The following METTL24 variants were observed in gnomAD, a reference collection of about 807,000 sequenced individuals.
METTL24 encodes methyltransferase like 24.
Under a neutral mutation model 32.7 loss-of-function variants are expected in METTL24, and 29 were observed. The observed-to-expected ratio is 0.89, with a 90% confidence interval of 0.66 to 1.21. The LOEUF is 1.21. METTL24 is among the 50% of genes most tolerant of loss of function. The pLI, the probability that METTL24 is intolerant of heterozygous loss-of-function variation, is 0.00. For synonymous variants in METTL24, 163 were observed against 179.5 expected, an observed-to-expected ratio of 0.91 and a Z score of 0.73; for missense variants, 439 against 468.1, an observed-to-expected ratio of 0.94 and a Z score of 0.57.
rs1405618875 is a variant in METTL24 at position 110,302,640 on chromosome 6, C to T, written c.558-3490G>A. On this transcript the variant is annotated intron_variant, in intron 3 of 4. Transcript: ENST00000338882. ...GTATATATATACACATATACACACA[C>T]ATATGTGTATATATATACACATATA... is the stretch of plus-strand genomic sequence containing the variant. 9.7e-5 allele frequency among the ~76,000 whole-genome samples: 13 copies of T among 134,160 alleles called. 2 individuals carry two copies. The highest frequency in any genetic ancestry group is 3.0e-5 in the Non-Finnish European group (2 of 65,950). 88.0% of individuals were successfully genotyped at this position (134,160 alleles called of 152,430 possible). A position where few individuals can be genotyped will look rare whatever the true frequency, so the allele number is the denominator to read the frequency against.
In METTL24 at chr6:110,246,103, C is replaced by T. The variant is rs145979865; in HGVS notation, c.944G>A (p.Arg315Gln). Residue 315 changes from arginine to glutamine, a missense_variant, in exon 5 of 5, where the codon CGG (arginine) becomes CAG (glutamine). Coordinates refer to ENST00000338882, the MANE Select transcript of METTL24 (RefSeq NM_001123364.3). ...CTCTTTGAGAAGGCTGTACCAGAAC[C>T]GCACAACGCTGCTGTCACTGCCACT... ...EVSGSDSSVV[R>Q]FWYSLLKELE... 4.6e-4 allele frequency: 736 copies of T among 1,614,136 alleles called. 4 individuals carry two copies. In the African/African-American group the frequency reaches 7.8e-3, roughly 17 times the overall value.
At chr6:110,306,100 G>C (rs12662669) in intron 3 of METTL24, among the ~76,000 whole-genome samples, 6 of 147,952 alleles carry the variant, frequency 4.1e-5, no homozygotes, top group African/African-American at 1.5e-4. Flanking sequence ...AGTGGGAGCT[G>C]AACAACAAGA....
intron 3 of METTL24, among the ~76,000 whole-genome samples, chr6:110,304,767 G>C (rs1017456958): frequency 6.6e-6 from 1 of 152,162 alleles, no homozygotes; most frequent in Non-Finnish European, 1.5e-5. Context: ...CCCCAACATA[G>C]CAAGACAGGC....
At chr6:110,314,160 A>G (rs1771774093) in intron 3 of METTL24, among the ~76,000 whole-genome samples, 1 of 152,106 alleles carries the variant, frequency 6.6e-6, no homozygotes, top group Non-Finnish European at 1.5e-5. Context: ...TAGACTCTAG[A>G]GGTGATGAAA....
intron 1 of METTL24, among the ~76,000 whole-genome samples, chr6:110,329,120 T>G (rs1307788054): frequency 2.0e-5 from 3 of 152,234 alleles, no homozygotes; most frequent in Non-Finnish European, 4.4e-5. Flanking sequence ...AATAGATAAC[T>G]GATAGAGTGT....
intron 4 of METTL24, among the ~76,000 whole-genome samples, chr6:110,282,714 C>A (rs1020726232): frequency 6.6e-6 from 1 of 150,942 alleles, no homozygotes; most frequent in Non-Finnish European, 1.5e-5. Context: ...TTATAAGAAA[C>A]CCTCAGGACT....
intron 4 of METTL24, chr6:110,254,146 T>G (rs992691041): frequency 4.1e-5 from 17 of 416,536 alleles, no homozygotes; most frequent in Non-Finnish European, 7.1e-5. Context: ...CTCCTTCTGG[T>G]GGCCATATAG....
chr6:110,334,151 T>C (rs1282914728), intron 1 of METTL24, among the ~76,000 whole-genome samples: 1 of 152,110 alleles, frequency 6.6e-6, no homozygotes, highest in Non-Finnish European at 1.5e-5. Flanking sequence ...AATCTCCATC[T>C]TCCCCACGAG....
intron 4 of METTL24, among the ~76,000 whole-genome samples, chr6:110,264,624 A>G (rs1582388363): frequency 1.3e-5 from 2 of 152,366 alleles, no homozygotes; most frequent in East Asian, 3.9e-4. Context: ...ATTACTGGGT[A>G]TATACCCAGA....
intron 4 of METTL24, among the ~76,000 whole-genome samples, chr6:110,285,113 G>T (rs770165209): frequency 6.6e-6 from 1 of 152,228 alleles, no homozygotes; most frequent in African/African-American, 2.4e-5. Context: ...CACATGGGTG[G>T]TTTTTTCCTG....
chr6:110,345,319 C>T (rs764313813), intron 1 of METTL24, among the ~76,000 whole-genome samples: 15 of 152,156 alleles, frequency 9.9e-5, no homozygotes, highest in Non-Finnish European at 1.8e-4. Context: ...CATTTATACA[C>T]GGTTGGTGGG....
In METTL24 at chr6:110,267,613, T is replaced by C. The variant is rs183550109; in HGVS notation, c.787-21353A>G. ...GTTTATCTGTTTATCTTGTATCTAC[T>C]GATAATGACACAACTAATAGCTAAC... On this transcript the variant is annotated intron_variant, in intron 4 of 4. Transcript: ENST00000338882. Among the ~76,000 whole-genome samples the C allele has an allele frequency of 4.0e-3, 605 of 151,340 alleles. 6 individuals carry two copies. Among genetic ancestry groups the C allele is most frequent in the Non-Finnish European group, 6.6e-3 (452 of 68,028 alleles).
chr6:110,326,134 A>G (rs1158139510), intron 1 of METTL24, among the ~76,000 whole-genome samples: 1 of 152,178 alleles, frequency 6.6e-6, no homozygotes, highest in African/African-American at 2.4e-5. Context: ...CATAAAATCT[A>G]CAAAGGTCAC....
At chr6:110,282,488 C>T (rs1483076416) in intron 4 of METTL24, among the ~76,000 whole-genome samples, 1 of 152,094 alleles carries the variant, frequency 6.6e-6, no homozygotes, top group East Asian at 1.9e-4. Context: ...ATCATCACCC[C>T]CATTTCATGG....
intron 3 of METTL24, among the ~76,000 whole-genome samples, chr6:110,302,151 G>T (rs532377214): frequency 6.6e-6 from 1 of 151,806 alleles, no homozygotes; most frequent in South Asian, 2.1e-4. Context: ...GGTGGTGGGC[G>T]CCTGTAGTCC....
chr6:110,260,164 TC>T (rs1562218159), intron 4 of METTL24, among the ~76,000 whole-genome samples: 1 of 151,982 alleles, frequency 6.6e-6, no homozygotes. Context: ...ATCAAACTTC[TC>T]CGAACTAAAG....
chr6:110,286,954 C>T (rs1314934866), intron 4 of METTL24, among the ~76,000 whole-genome samples: 2 of 152,196 alleles, frequency 1.3e-5, no homozygotes, highest in East Asian at 3.8e-4. Flanking sequence ...CTGCAGATGG[C>T]CTATAGTGGG....
intron 4 of METTL24, among the ~76,000 whole-genome samples, chr6:110,254,670 A>T (rs1479809462): frequency 6.6e-6 from 1 of 152,148 alleles, no homozygotes; most frequent in East Asian, 1.9e-4. Context: ...ATAAATAAAA[A>T]TTTGAATTAT....
intron 3 of METTL24, among the ~76,000 whole-genome samples, chr6:110,313,009 G>A (rs1771751833): frequency 6.6e-6 from 1 of 152,188 alleles, no homozygotes; most frequent in Admixed American, 6.5e-5. Flanking sequence ...TAAATGAAGA[G>A]GATGAAGTAA....
Sources: allele counts gnomAD v4.1 joint callset (sites outside exome capture counted in the v4.1 genomes callset), GRCh38; gene constraint gnomAD v4.1.1; transcripts MANE v1.5; gene names NCBI Gene and HGNC (gene_info 2026-07-23, HGNC 2026-07-21).